Variants in TCF12 observed in about 807,000 individuals in gnomAD.
The protein encoded by TCF12 is transcription factor 12.
A neutral mutation model predicts 86.0 loss-of-function variants in TCF12; 45 were observed. The ratio of observed to expected loss-of-function variants is 0.52; its 90% CI spans 0.41 to 0.67. The LOEUF is 0.67. Among genes scored for constraint, TCF12 ranks in the 30% least tolerant of loss-of-function variants. The pLI, the probability that TCF12 is intolerant of heterozygous loss-of-function variation, is 0.00. For missense variants in TCF12, 881 were observed against 859.9 expected (o/e 1.02, Z -0.31); for synonymous variants, 330 against 299.6 (o/e 1.10, Z -1.05).
intron 7 of TCF12, among the ~76,000 whole-genome samples, chr15:57,193,044 A>G (rs1048546515): frequency 6.6e-6 from 1 of 152,340 alleles, no homozygotes; most frequent in Non-Finnish European, 1.5e-5. Flanking sequence ...TAAAAATGAT[A>G]TAACAAAATT....
Position 57,250,916 on chromosome 15 carries a change from A to G in TCF12, c.1115-434A>G, listed in dbSNP as rs112338416. 3.3e-3 allele frequency among the ~76,000 whole-genome samples: 506 copies of G among 151,816 alleles called. 2 individuals carry two copies. The highest frequency in any genetic ancestry group is 6.8e-3 in the Middle Eastern group (2 of 292). On this transcript the variant is annotated intron_variant, in intron 13 of 20. Transcript: ENST00000333725. The stretch of plus-strand genomic sequence containing the variant: ...CTCAAAAAAAAAAAAGAAAAAGAAG[A>G]AACAAAACCAAAAAAACAGACTAGG...
At chr15:57,185,863 C>A (rs1245930467) in intron 6 of TCF12, among the ~76,000 whole-genome samples, 3 of 152,076 alleles carry the variant, frequency 2.0e-5, no homozygotes, top group Non-Finnish European at 4.4e-5. Flanking sequence ...GCCAGAGCAA[C>A]AGAGCAAACT....
At chr15:57,035,241 T>C in intron 3 of TCF12, among the ~76,000 whole-genome samples, 1 of 152,152 alleles carries the variant, frequency 6.6e-6, no homozygotes, top group Non-Finnish European at 1.5e-5. Context: ...GATTAAATGA[T>C]ATTGTTTCCT....
At chr15:57,144,883 T>C (rs889460495) in intron 5 of TCF12, among the ~76,000 whole-genome samples, 1 of 152,200 alleles carries the variant, frequency 6.6e-6, no homozygotes, top group Non-Finnish European at 1.5e-5. Context: ...ATTACAAGCA[T>C]GAGCTGCCAT....
At chr15:57,036,021 G>C (rs2066486187) in intron 3 of TCF12, among the ~76,000 whole-genome samples, 1 of 152,080 alleles carries the variant, frequency 6.6e-6, no homozygotes, top group Admixed American at 6.5e-5. Context: ...ATCCGAAGTG[G>C]AACAGTTTTA....
At chr15:57,211,705 G>T (rs1189929582) in intron 8 of TCF12, among the ~76,000 whole-genome samples, 1 of 152,338 alleles carries the variant, frequency 6.6e-6, no homozygotes, top group Non-Finnish European at 1.5e-5. Flanking sequence ...TGTAATCTCA[G>T]CACTTTGGGA....
At chr15:57,069,401 A>G (rs1261643531) in intron 4 of TCF12, among the ~76,000 whole-genome samples, 1 of 152,228 alleles carries the variant, frequency 6.6e-6, no homozygotes, top group Admixed American at 6.5e-5. Flanking sequence ...GCTTTTTAAA[A>G]AAATGAATTG....
chr15:57,218,735 A>G (rs2058441128), intron 8 of TCF12, among the ~76,000 whole-genome samples: 1 of 152,224 alleles, frequency 6.6e-6, no homozygotes, highest in Admixed American at 6.5e-5. Flanking sequence ...GAGCTTTATA[A>G]CTGAAAATCT....
At chr15:57,228,510 T>G (rs2058988840) in intron 8 of TCF12, among the ~76,000 whole-genome samples, 1 of 152,040 alleles carries the variant, frequency 6.6e-6, no homozygotes, top group South Asian at 2.1e-4. Flanking sequence ...AAAACAAACT[T>G]TACCTCTAAA....
Position 56,944,636 on chromosome 15 carries a change from G to C in TCF12, c.148+23538G>C, listed in dbSNP as rs566166236. On this transcript the variant is annotated intron_variant, in intron 3 of 20. Coordinates refer to ENST00000333725, the MANE Select transcript of TCF12 (RefSeq NM_207037.2). ...GAAAGATTGGCTGGCAGTATTCCTG[G>C]CATTGTAATTTTTAGTGCACTAGAT... is the stretch of plus-strand genomic sequence containing the variant. 4.6e-5 allele frequency among the ~76,000 whole-genome samples: 7 copies of C among 152,182 alleles called. No individual in the cohort carries two copies. In the East Asian group the frequency reaches 1.3e-3, roughly 29 times the overall value.
At chr15:56,924,468 A>G (rs779444322) in intron 3 of TCF12, among the ~76,000 whole-genome samples, 3 of 152,214 alleles carry the variant, frequency 2.0e-5, no homozygotes, top group Non-Finnish European at 4.4e-5. Flanking sequence ...AAATTGTACC[A>G]CTGTAGGTTT....
chr15:57,014,924 C>T (rs1206086671), intron 3 of TCF12, among the ~76,000 whole-genome samples: 1 of 149,038 alleles, frequency 6.7e-6, no homozygotes, highest in Non-Finnish European at 1.5e-5. Flanking sequence ...TTAATGTTCT[C>T]GTTTCTTTTG....
chr15:57,095,502 C>T (rs1330630494), intron 5 of TCF12, among the ~76,000 whole-genome samples: 1 of 152,152 alleles, frequency 6.6e-6, no homozygotes, highest in Admixed American at 6.6e-5. Context: ...TTTTTAATCC[C>T]TCCATGTTTA....
intron 6 of TCF12, among the ~76,000 whole-genome samples, chr15:57,189,994 G>A (rs766757030): frequency 6.6e-6 from 1 of 152,176 alleles, no homozygotes; most frequent in Non-Finnish European, 1.5e-5. Flanking sequence ...GCCACATATT[G>A]TATGAGTCCA....
chr15:57,183,612 A>C (rs1159180846), intron 6 of TCF12, among the ~76,000 whole-genome samples: 1 of 152,200 alleles, frequency 6.6e-6, no homozygotes, highest in Admixed American at 6.5e-5. Context: ...ATGCCCAGGA[A>C]ACAGAATAAA....
At chr15:57,042,727 T>C (rs2066978149) in intron 3 of TCF12, among the ~76,000 whole-genome samples, 1 of 152,194 alleles carries the variant, frequency 6.6e-6, no homozygotes, top group Admixed American at 6.5e-5. Flanking sequence ...CATATAAATA[T>C]TTTTTCTTAT....
At chr15:57,136,696 G>A (rs2052544222) in intron 5 of TCF12, among the ~76,000 whole-genome samples, 1 of 151,952 alleles carries the variant, frequency 6.6e-6, no homozygotes, top group African/African-American at 2.4e-5. Flanking sequence ...CTTTTTTTGA[G>A]ACAAGGTCTC....
At chr15:57,225,257 G>A (rs1457921526) in intron 8 of TCF12, among the ~76,000 whole-genome samples, 5 of 96,944 alleles carry the variant, frequency 5.2e-5, no homozygotes, top group Admixed American at 4.7e-4. Context: ...TTTTTAAGAC[G>A]GAGTCTTGCA....
chr15:57,073,913 T>G (rs1459913050), intron 4 of TCF12, among the ~76,000 whole-genome samples: 1 of 152,030 alleles, frequency 6.6e-6, no homozygotes, highest in African/African-American at 2.4e-5. Context: ...CACTCCTGGC[T>G]AATTTTTTTT....
Sources: allele counts gnomAD v4.1 joint callset (sites outside exome capture counted in the v4.1 genomes callset), GRCh38; gene constraint gnomAD v4.1.1; transcripts MANE v1.5; gene names NCBI Gene and HGNC (gene_info 2026-07-23, HGNC 2026-07-21).